The following TDRD9 variants were observed in gnomAD, a reference collection of about 807,000 sequenced individuals.
TDRD9 encodes ATP-dependent RNA helicase TDRD9.
A neutral mutation model predicts 172.6 loss-of-function variants in TDRD9; 124 were observed. The ratio of observed to expected loss-of-function variants is 0.72; its 90% CI spans 0.62 to 0.83. The LOEUF (loss-of-function observed/expected upper bound fraction) is 0.83, where lower values mean the gene tolerates loss of function less well. Among genes scored for constraint, TDRD9 ranks in the 40% least tolerant of loss-of-function variants. The pLI, the probability that TDRD9 is intolerant of heterozygous loss-of-function variation, is 0.00. For synonymous variants in TDRD9, 619 were observed against 617.1 expected, an observed-to-expected ratio of 1.00 and a Z score of -0.05; for missense variants, 1,479 against 1,714.1, an observed-to-expected ratio of 0.86 and a Z score of 2.42.
rs1218587365 is a variant in TDRD9 at position 103,997,352 on chromosome 14, AGGTCTCT to A, written c.1379-1270_1379-1264del. Among the ~76,000 whole-genome samples, 1 of 152,180 alleles carries A rather than the reference AGGTCTCT, an allele frequency of 6.6e-6. No homozygotes were observed. Among genetic ancestry groups the A allele is most frequent in the Non-Finnish European group, 1.5e-5 (1 of 68,028 alleles). Reference sequence around the variant, plus strand: ...AGGCAGAGCTGGGGAGGATGTGCTGAGGTCTCTGATGGAGAAATTGTGAGAGACACAT... The same window carrying A: ...AGGCAGAGCTGGGGAGGATGTGCTGAGATGGAGAAATTGTGAGAGACACAT... On this transcript the variant is annotated intron_variant, in intron 12 of 35. Transcript: ENST00000409874. The surrounding 1 kb of genome is among the most constrained non-coding windows in gnomAD (Gnocchi z 5.1).
chr14:104,014,652 A>G, intron 20 of TDRD9, 73 bp from the exon 21 acceptor site: 1 of 811,736 alleles, frequency 1.2e-6, no homozygotes, highest in South Asian at 1.5e-5. Flanking sequence ...TTGTGCACTT[A>G]TTTTCTAGTG....
chr14:103,961,590 GA>G (rs559475243), intron 2 of TDRD9, among the ~76,000 whole-genome samples: 1,627 of 138,240 alleles, frequency 0.012, 28 homozygotes, highest in African/African-American at 0.037. Flanking sequence ...AAGAAAAAAG[GA>G]AAAAAAAAAA....
At chr14:103,936,114 C>T (rs1032159786) in intron 1 of TDRD9, among the ~76,000 whole-genome samples, 1 of 152,134 alleles carries the variant, frequency 6.6e-6, no homozygotes, top group African/African-American at 2.4e-5. Flanking sequence ...TGGGGTCTCC[C>T]TCTGTTGCCC....
At chr14:103,959,929 T>C (rs2032431084) in intron 2 of TDRD9, among the ~76,000 whole-genome samples, 1 of 152,248 alleles carries the variant, frequency 6.6e-6, no homozygotes, top group Admixed American at 6.5e-5. Flanking sequence ...CTTTAGATTG[T>C]AGTTAAATTC....
intron 14 of TDRD9, 34 bp downstream of exon 14, chr14:104,004,369 A>G (rs1359902771): frequency 1.7e-5 from 5 of 298,156 alleles, no homozygotes; most frequent in African/African-American, 6.1e-5. Context: ...AAGTTTATTT[A>G]TTTATTTATT....
At position 103,994,953 on chromosome 14, in the gene TDRD9, C is replaced by G. The variant is rs907724443; in HGVS notation, c.1320+350C>G. Among the ~76,000 whole-genome samples, 4 of 40,300 alleles carry G rather than the reference C, an allele frequency of 9.9e-5. No homozygotes were observed. In the East Asian group the frequency reaches 2.4e-3, roughly 25 times the overall value. The allele number at this position is 40,300 out of a possible 152,430, so 26.4% of individuals were successfully genotyped here. A position where few individuals can be genotyped will look rare whatever the true frequency, so the allele number is the denominator to read the frequency against. On this transcript the variant is annotated intron_variant, in intron 11 of 35. Coordinates refer to ENST00000409874, the MANE Select transcript of TDRD9 (RefSeq NM_153046.3). ...GTGACAGAACAAGACTGTCTCAAAA[C>G]AAAAAAAAAAAAGAAAAAAAAATCA... is the stretch of plus-strand genomic sequence containing the variant.
At chr14:103,948,376 C>A (rs1335996582) in intron 1 of TDRD9, among the ~76,000 whole-genome samples, 1 of 151,874 alleles carries the variant, frequency 6.6e-6, no homozygotes, top group African/African-American at 2.4e-5. Flanking sequence ...AAATTGGAAC[C>A]CCTGTGTACT....
At chr14:104,038,717 C>G (rs964790536) in intron 32 of TDRD9, among the ~76,000 whole-genome samples, 1 of 152,106 alleles carries the variant, frequency 6.6e-6, no homozygotes, top group Non-Finnish European at 1.5e-5. Context: ...CACTCTGTCA[C>G]CCAGCCTGGA....
At chr14:103,953,243 TC>T (rs1348963307) in intron 1 of TDRD9, among the ~76,000 whole-genome samples, 2 of 152,106 alleles carry the variant, frequency 1.3e-5, no homozygotes, top group Non-Finnish European at 2.9e-5. Flanking sequence ...TCCATACCCT[TC>T]TGCTCCCTAC....
At chr14:103,956,112 ATAT>A (rs1164099252) in intron 2 of TDRD9, among the ~76,000 whole-genome samples, 3 of 15,268 alleles carry the variant, frequency 2.0e-4, no homozygotes, top group African/African-American at 1.1e-3. Context: ...AAAAAAAAAA[ATAT>A]ATATATATAT....
At chr14:103,952,378 A>G (rs1013171328) in intron 1 of TDRD9, among the ~76,000 whole-genome samples, 1 of 148,404 alleles carries the variant, frequency 6.7e-6, no homozygotes, top group African/African-American at 2.5e-5. Flanking sequence ...AGTATCTGGG[A>G]CTACAGGCGC....
intron 6 of TDRD9, among the ~76,000 whole-genome samples, chr14:103,972,827 G>T (rs1397395020): frequency 6.6e-6 from 1 of 152,182 alleles, no homozygotes; most frequent in Non-Finnish European, 1.5e-5. Flanking sequence ...AATGGAACTC[G>T]ACACTTGCAA....
At chr14:103,932,794 T>G (rs2030486680) in intron 1 of TDRD9, among the ~76,000 whole-genome samples, 1 of 152,128 alleles carries the variant, frequency 6.6e-6, no homozygotes, top group South Asian at 2.1e-4. Context: ...TGCAGTCCGG[T>G]CTGAGAGAGT....
At chr14:103,958,239 A>G (rs1183936903) in intron 2 of TDRD9, among the ~76,000 whole-genome samples, 1 of 152,192 alleles carries the variant, frequency 6.6e-6, no homozygotes, top group Non-Finnish European at 1.5e-5. Context: ...GGTGTCAGGA[A>G]AGTAACAGTT....
chr14:104,014,394 C>T (rs570288957), intron 20 of TDRD9, among the ~76,000 whole-genome samples: 22 of 151,972 alleles, frequency 1.4e-4, no homozygotes, highest in Admixed American at 1.2e-3. Context: ...ATCCTCCCAT[C>T]TCAGCCTCCC....
intron 23 of TDRD9, among the ~76,000 whole-genome samples, chr14:104,021,358 A>G (rs77243543): frequency 0.023 from 3,476 of 152,206 alleles, 77 homozygotes; most frequent in East Asian, 0.07. Context: ...TCACTTGGCA[A>G]TCAATTTATA....
intron 28 of TDRD9, among the ~76,000 whole-genome samples, chr14:104,030,615 A>G (rs1005492160): frequency 1.3e-5 from 2 of 152,270 alleles, no homozygotes; most frequent in African/African-American, 4.8e-5. Context: ...ATAAGATTGT[A>G]AATCCTGTCA....
intron 1 of TDRD9, among the ~76,000 whole-genome samples, chr14:103,942,837 T>G (rs17101955): frequency 0.023 from 3,527 of 152,338 alleles, 76 homozygotes; most frequent in East Asian, 0.071. Flanking sequence ...TTTGGTTTTT[T>G]CAAAATAGTT....
chr14:103,953,834 G>A (rs1300041342), intron 1 of TDRD9, among the ~76,000 whole-genome samples: 1 of 152,090 alleles, frequency 6.6e-6, no homozygotes, highest in Non-Finnish European at 1.5e-5. Flanking sequence ...TTCTGCCCGG[G>A]TGGACTCTCA....
Sources: allele counts gnomAD v4.1 joint callset (sites outside exome capture counted in the v4.1 genomes callset), GRCh38; gene constraint gnomAD v4.1.1; non-coding constraint Gnocchi (gnomAD v3.1); transcripts MANE v1.5; gene names NCBI Gene and HGNC (gene_info 2026-07-23, HGNC 2026-07-21).